EMCN: variants seen among roughly 807,000 people sequenced by gnomAD.
EMCN encodes the protein MUC-14.
A neutral mutation model predicts 38.4 loss-of-function variants in EMCN; 37 were observed. The observed-to-expected ratio is 0.96, with a 90% CI of 0.74 to 1.27. The LOEUF (loss-of-function observed/expected upper bound fraction) is 1.27, where lower values mean the gene tolerates loss of function less well. Among genes scored for constraint, EMCN ranks in the 50% most tolerant of loss-of-function variants. The probability of loss-of-function intolerance (pLI) is 0.00; values close to 1 mark genes in which losing one functional copy is unlikely to be tolerated. For missense variants in EMCN, 318 were observed against 302.8 expected, an observed-to-expected ratio of 1.05 and a Z score of -0.37; for synonymous variants, 95 against 100.8, an observed-to-expected ratio of 0.94 and a Z score of 0.35.
At chr4:100,442,991 AG>A (rs1727565839) in intron 5 of EMCN, among the ~76,000 whole-genome samples, 1 of 152,168 alleles carries the variant, frequency 6.6e-6, no homozygotes. Context: ...CTGGCATTAC[AG>A]GTGTGTGCCA....
At chr4:100,409,148 A>G (rs1414877563) in intron 11 of EMCN, among the ~76,000 whole-genome samples, 3 of 152,182 alleles carry the variant, frequency 2.0e-5, no homozygotes, top group African/African-American at 4.8e-5. Context: ...ATGAATAACA[A>G]TATTTCTCAT....
intron 3 of EMCN, among the ~76,000 whole-genome samples, chr4:100,466,096 GA>G (rs3836628): frequency 0.41 from 61,630 of 151,314 alleles, 13,345 homozygotes; most frequent in East Asian, 0.77. Flanking sequence ...ATTTTTCTTT[GA>G]AAAAAAAATT....
chr4:100,484,985 A>T (rs1728903204), intron 1 of EMCN, among the ~76,000 whole-genome samples: 1 of 152,142 alleles, frequency 6.6e-6, no homozygotes, highest in African/African-American at 2.4e-5. Context: ...TATCTCTGAG[A>T]ACATATTTAC....
chr4:100,490,153 A>C (rs1729039725), intron 1 of EMCN, among the ~76,000 whole-genome samples: 1 of 146,770 alleles, frequency 6.8e-6, no homozygotes, highest in African/African-American at 2.5e-5. Context: ...TTGTGTCTTA[A>C]TTTTTTACAA....
intron 4 of EMCN, among the ~76,000 whole-genome samples, chr4:100,454,281 G>A (rs1353379769): frequency 1.3e-5 from 2 of 149,658 alleles, no homozygotes; most frequent in East Asian, 2.0e-4. Context: ...AAGATTTGAA[G>A]TTTTGCAAGG....
chr4:100,516,292 A>G (rs944470244), intron 1 of EMCN, among the ~76,000 whole-genome samples: 7 of 152,068 alleles, frequency 4.6e-5, no homozygotes, highest in Admixed American at 6.6e-5. Flanking sequence ...GGCTACTTCT[A>G]TTGATGCTAT....
intron 4 of EMCN, among the ~76,000 whole-genome samples, chr4:100,450,583 A>G (rs1727809995): frequency 6.6e-6 from 1 of 151,946 alleles, no homozygotes; most frequent in Non-Finnish European, 1.5e-5. Flanking sequence ...TGACCAATTC[A>G]AATCCTCTTC....
At chr4:100,470,171 A>C (rs1462258170) in intron 3 of EMCN, among the ~76,000 whole-genome samples, 1 of 151,966 alleles carries the variant, frequency 6.6e-6, no homozygotes, top group Non-Finnish European at 1.5e-5. Context: ...TTCCGCATCT[A>C]TAAGGAATTT....
intron 5 of EMCN, among the ~76,000 whole-genome samples, chr4:100,440,573 C>T (rs1049694112): frequency 6.6e-6 from 1 of 152,010 alleles, no homozygotes; most frequent in Non-Finnish European, 1.5e-5. Context: ...CATTATTTCA[C>T]TCTTTTTAAT....
At chr4:100,446,012 G>T in intron 5 of EMCN, 1 of 920,898 alleles carries the variant, frequency 1.1e-6, no homozygotes, top group Non-Finnish European at 1.3e-6. Flanking sequence ...ACTTATAGCT[G>T]GCATTTTGTA....
At chr4:100,506,175 T>C (rs2110305785) in intron 1 of EMCN, among the ~76,000 whole-genome samples, 1 of 152,334 alleles carries the variant, frequency 6.6e-6, no homozygotes, top group African/African-American at 2.4e-5. Context: ...TTATTTATAG[T>C]AACATTTTAA....
chr4:100,423,504 A>G, intron 5 of EMCN, 100 bp from the exon 6 acceptor site: 1 of 777,184 alleles, frequency 1.3e-6, no homozygotes. Context: ...AAGATCTGTG[A>G]AAACTATTTA....
intron 5 of EMCN, among the ~76,000 whole-genome samples, chr4:100,444,545 C>T (rs529132611): frequency 1.1e-4 from 17 of 152,116 alleles, no homozygotes; most frequent in African/African-American, 3.6e-4. Flanking sequence ...AGGGTTGGAG[C>T]GCCATTTCAG....
intron 10 of EMCN, among the ~76,000 whole-genome samples, chr4:100,415,564 C>T (rs1462697654): frequency 2.6e-5 from 4 of 152,024 alleles, no homozygotes. Flanking sequence ...ATAGCCAGCA[C>T]CAAAATGAAA....
intron 9 of EMCN, 86 bp downstream of exon 9, chr4:100,417,031 A>G: frequency 1.5e-6 from 2 of 1,345,162 alleles, no homozygotes; most frequent in South Asian, 2.4e-5. Flanking sequence ...CTTTAGAAAT[A>G]ATCCAAAAAA....
In EMCN at chr4:100,411,519, C is replaced by T. The variant is rs555395130; in HGVS notation, c.752-1164G>A. Among the ~76,000 whole-genome samples, 4 of 151,530 alleles carry T rather than the reference C, an allele frequency of 2.6e-5. No individual in the cohort carries two copies. In the South Asian group the frequency reaches 8.3e-4, roughly 32 times the overall value. On this transcript the variant is annotated intron_variant, in intron 10 of 11. Transcript: ENST00000296420. The stretch of plus-strand genomic sequence containing the variant: ...AGAAATTTTGAGAAAAATTTAATAA[C>T]AATATGATATCAGTAACAAGAATAA...
chr4:100,518,004 G>A lies in EMCN; in HGVS notation c.-90C>T. ...CCTGGCAGGGCCTTATTAGCAAATGGAAAAGGTGTAGTGAATGTGAATAGC... is the reference window on the plus strand; with the variant it reads ...CCTGGCAGGGCCTTATTAGCAAATGAAAAAGGTGTAGTGAATGTGAATAGC... On this transcript the variant is annotated 5_prime_UTR_variant, in exon 1 of 12. Coordinates refer to ENST00000296420, the MANE Select transcript of EMCN (RefSeq NM_016242.4). 1 of 1,288,762 alleles carries A rather than the reference G, an allele frequency of 7.8e-7. No individual in the cohort carries two copies. Among genetic ancestry groups the A allele is most frequent in the Non-Finnish European group, 1.1e-6 (1 of 885,492 alleles). 79.8% of individuals were successfully genotyped at this position (1,288,762 alleles called of 1,614,324 possible). A position where few individuals can be genotyped will look rare whatever the true frequency, so the allele number is the denominator to read the frequency against.
intron 3 of EMCN, among the ~76,000 whole-genome samples, chr4:100,470,539 G>T (rs1728448441): frequency 6.6e-6 from 1 of 151,882 alleles, no homozygotes; most frequent in Non-Finnish European, 1.5e-5. Context: ...CCATTACTTG[G>T]TATATAACCA....
intron 11 of EMCN, among the ~76,000 whole-genome samples, chr4:100,400,740 C>A (rs1726235460): frequency 6.6e-6 from 1 of 152,110 alleles, no homozygotes; most frequent in Admixed American, 6.6e-5. Flanking sequence ...GATACTGTTT[C>A]AATTATTTTC....
Sources: allele counts gnomAD v4.1 joint callset (sites outside exome capture counted in the v4.1 genomes callset), GRCh38; gene constraint gnomAD v4.1.1; transcripts MANE v1.5; gene names NCBI Gene and HGNC (gene_info 2026-07-23, HGNC 2026-07-21).